The following RBFOX1 variants were observed in gnomAD, a reference collection of about 807,000 sequenced individuals.
RBFOX1 encodes RNA binding fox-1 homolog 1, also known as RNA binding protein fox-1 homolog 1.
A neutral mutation model predicts 57.7 loss-of-function variants in RBFOX1; 8 were observed. The ratio of observed to expected loss-of-function variants is 0.14; its 90% CI spans 0.08 to 0.25. The LOEUF (loss-of-function observed/expected upper bound fraction) is 0.25, where lower values mean the gene tolerates loss of function less well. Ranked by LOEUF, RBFOX1 falls within the 10% of genes least tolerant of loss-of-function variation. The pLI is 1.00. For synonymous variants in RBFOX1, 326 were observed against 222.4 expected, an observed-to-expected ratio of 1.47 and a Z score of -4.15; for missense variants, 611 against 548.5, an observed-to-expected ratio of 1.11 and a Z score of -1.14.
intron 3 of RBFOX1, among the ~76,000 whole-genome samples, chr16:6,924,190 T>TAAC (rs2075084498): frequency 6.6e-6 from 1 of 151,106 alleles, no homozygotes; most frequent in South Asian, 2.1e-4. Flanking sequence ...ATAATAATAA[T>TAAC]AATAGCAATA....
chr16:5,924,686 A>G (rs1232308905), intron 4 of RBFOX1, among the ~76,000 whole-genome samples: 2 of 152,158 alleles, frequency 1.3e-5, no homozygotes, highest in Non-Finnish European at 2.9e-5. Context: ...TTCATTCTAA[A>G]TTACCCAGCC....
At chr16:5,827,426 A>G (rs2056103205) in intron 3 of RBFOX1, among the ~76,000 whole-genome samples, 1 of 151,756 alleles carries the variant, frequency 6.6e-6, no homozygotes, top group Admixed American at 6.6e-5. Flanking sequence ...AAAAAAGAAA[A>G]GAAAAAGCTG....
intron 2 of RBFOX1, among the ~76,000 whole-genome samples, chr16:5,521,279 G>T (rs1198621142): frequency 6.6e-6 from 1 of 151,230 alleles, no homozygotes; most frequent in Non-Finnish European, 1.5e-5. Context: ...CTTTCTCAAG[G>T]GAGGCCCCTC....
chr16:7,017,478 C>A (rs2153665766), intron 3 of RBFOX1, among the ~76,000 whole-genome samples: 1 of 152,300 alleles, frequency 6.6e-6, no homozygotes, highest in Middle Eastern at 3.4e-3. Flanking sequence ...CGCACACATG[C>A]TTGTAAAATA....
chr16:6,497,676 C>T (rs1056713402), intron 2 of RBFOX1, among the ~76,000 whole-genome samples: 3 of 151,976 alleles, frequency 2.0e-5, no homozygotes, highest in Admixed American at 6.6e-5. Flanking sequence ...CCTGCCTCAG[C>T]CTCCTGAGTA....
At chr16:7,481,953 G>T (rs897425007) in intron 4 of RBFOX1, among the ~76,000 whole-genome samples, 2 of 152,156 alleles carry the variant, frequency 1.3e-5, no homozygotes, top group Non-Finnish European at 2.9e-5. Context: ...AAACAGTATG[G>T]TTATTATGAG....
chr16:6,538,595 T>C (rs546717795), intron 2 of RBFOX1, among the ~76,000 whole-genome samples: 74 of 152,240 alleles, frequency 4.9e-4, no homozygotes, highest in African/African-American at 1.6e-3. Context: ...AGGTAACAAA[T>C]GTTGTCCAGG....
At chr16:6,242,741 G>T (rs1344453308) in intron 1 of RBFOX1, among the ~76,000 whole-genome samples, 1 of 151,596 alleles carries the variant, frequency 6.6e-6, no homozygotes, top group Non-Finnish European at 1.5e-5. Flanking sequence ...GTGAAACTAG[G>T]GAAGAGAGAG....
chr16:7,161,488 C>G (rs573621819), intron 4 of RBFOX1, among the ~76,000 whole-genome samples: 2 of 152,120 alleles, frequency 1.3e-5, no homozygotes, highest in Admixed American at 1.3e-4. Flanking sequence ...TCTTTCTTCA[C>G]TCTTAGGGGT....
At chr16:6,710,098 G>C (rs1180192760) in intron 3 of RBFOX1, among the ~76,000 whole-genome samples, 1 of 152,020 alleles carries the variant, frequency 6.6e-6, no homozygotes, top group Non-Finnish European at 1.5e-5. Flanking sequence ...ATTGGGGAGG[G>C]AACCACAGCA....
intron 3 of RBFOX1, among the ~76,000 whole-genome samples, chr16:7,040,085 A>T (rs1002952741): frequency 2.0e-5 from 3 of 151,874 alleles, no homozygotes; most frequent in Non-Finnish European, 1.5e-5. Flanking sequence ...CAGTGACATG[A>T]TCTCAGCTCA....
chr16:6,746,355 G>A (rs1005638686), intron 3 of RBFOX1, among the ~76,000 whole-genome samples: 7 of 152,060 alleles, frequency 4.6e-5, no homozygotes, highest in African/African-American at 1.7e-4. Flanking sequence ...TGTATGATTT[G>A]CAGACTTAAT....
At chr16:6,043,657 G>T (rs1483977848) in intron 1 of RBFOX1, among the ~76,000 whole-genome samples, 1 of 152,128 alleles carries the variant, frequency 6.6e-6, no homozygotes, top group Non-Finnish European at 1.5e-5. Context: ...AGTCTGTTCA[G>T]TCAGTTGAAG....
chr16:7,199,977 G>C (rs572298619), intron 4 of RBFOX1, among the ~76,000 whole-genome samples: 65 of 152,308 alleles, frequency 4.3e-4, no homozygotes, highest in African/African-American at 1.5e-3. Context: ...GAACACTTTT[G>C]TAATCTCATT....
intron 3 of RBFOX1, among the ~76,000 whole-genome samples, chr16:6,913,814 A>T (rs1427506287): frequency 6.6e-6 from 1 of 152,170 alleles, no homozygotes; most frequent in Non-Finnish European, 1.5e-5. Context: ...AGGCATGCTA[A>T]ACTACTTCCC....
chr16:7,216,737 C>T (rs1418720814), intron 4 of RBFOX1, among the ~76,000 whole-genome samples: 3 of 152,042 alleles, frequency 2.0e-5, no homozygotes, highest in African/African-American at 7.3e-5. Context: ...ATTAGCACTC[C>T]AGAAGCCTGA....
intron 1 of RBFOX1, among the ~76,000 whole-genome samples, chr16:5,330,630 T>A (rs2064725919): frequency 1.3e-5 from 2 of 151,948 alleles, no homozygotes; most frequent in Non-Finnish European, 2.9e-5. Context: ...GCCTCGAACT[T>A]CTGACCTCAG....
At chr16:5,411,986 G>A (rs1343335501) in intron 1 of RBFOX1, among the ~76,000 whole-genome samples, 1 of 152,166 alleles carries the variant, frequency 6.6e-6, no homozygotes, top group African/African-American at 2.4e-5. Context: ...ATTCTTATCT[G>A]TTTAATATTT....
chr16:5,351,958 C>T (rs370593385), intron 1 of RBFOX1, among the ~76,000 whole-genome samples: 70 of 152,230 alleles, frequency 4.6e-4, no homozygotes, highest in African/African-American at 1.5e-3. Context: ...CGCCCGCCAC[C>T]ACGCTCGGCT....
Sources: allele counts gnomAD v4.1 joint callset (sites outside exome capture counted in the v4.1 genomes callset), GRCh38; gene constraint gnomAD v4.1.1; transcripts MANE v1.5; gene names NCBI Gene and HGNC (gene_info 2026-07-23, HGNC 2026-07-21).